MOB3B: variants seen among roughly 807,000 people sequenced by gnomAD.
MOB3B encodes the protein MOB kinase activator-like 2B.
MOB3B carries 7 observed loss-of-function variants against 18.7 expected under a neutral mutation model. The ratio of observed to expected loss-of-function variants is 0.37; its 90% CI spans 0.21 to 0.70. MOB3B has a LOEUF of 0.70. MOB3B is among the 30% of genes least tolerant of loss of function. The pLI is 0.52. For missense variants in MOB3B, 253 were observed against 281.3 expected, an observed-to-expected ratio of 0.90 and a Z score of 0.72; for synonymous variants, 111 against 99.9, an observed-to-expected ratio of 1.11 and a Z score of -0.66.
In MOB3B at chr9:27,354,671, A is replaced by T. The variant is rs1821158949; in HGVS notation, c.621+4363T>A. 2.0e-5 allele frequency among the ~76,000 whole-genome samples: 3 copies of T among 152,320 alleles called. No homozygotes were observed. The South Asian group carries it at 6.2e-4, about 32-fold the overall frequency. On this transcript the variant is annotated intron_variant, in intron 3 of 3. Transcript: ENST00000262244. ...CATCATCCTTAAAGTACTCTCCCCA[A>T]TTCAAAAACATATTAAGCATTTATT... is the stretch of plus-strand genomic sequence containing the variant.
At chr9:27,433,718 G>A (rs1822450895) in intron 2 of MOB3B, among the ~76,000 whole-genome samples, 1 of 152,080 alleles carries the variant, frequency 6.6e-6, no homozygotes, top group African/African-American at 2.4e-5. Flanking sequence ...TGAGAATGAA[G>A]CCTTTCCATG....
intron 1 of MOB3B, among the ~76,000 whole-genome samples, chr9:27,477,876 C>T (rs1444533): frequency 0.66 from 100,548 of 152,054 alleles, 36,651 homozygotes; most frequent in Non-Finnish European, 0.83. Flanking sequence ...GTGACATGGC[C>T]CAAGGCTCAT....
intron 2 of MOB3B, among the ~76,000 whole-genome samples, chr9:27,401,155 G>A (rs1821871975): frequency 6.6e-6 from 1 of 152,148 alleles, no homozygotes; most frequent in Non-Finnish European, 1.5e-5. Flanking sequence ...TCCAGCATGG[G>A]CCACGCGGTC....
At position 27,326,248 on chromosome 9, in the gene MOB3B, G is replaced by T; in HGVS notation, c.*4339C>A. On this transcript the variant is annotated 3_prime_UTR_variant, in exon 4 of 4. Coordinates refer to ENST00000262244, the MANE Select transcript of MOB3B (RefSeq NM_024761.5). ...GAGCTTTGGGAAGGTTTCACGTTGA[G>T]TTACATCAGTGGTCAACAATGGAGC... 2.6e-6 allele frequency: 1 copy of T among 385,864 alleles called. No homozygotes were observed. The highest frequency in any genetic ancestry group is 4.6e-6 in the Non-Finnish European group (1 of 218,526). The allele number at this position is 385,864 out of a possible 1,614,324, so 23.9% of individuals were successfully genotyped here. A position where few individuals can be genotyped will look rare whatever the true frequency, so the allele number is the denominator to read the frequency against.
At chr9:27,340,280 G>A (rs995232557) in intron 3 of MOB3B, among the ~76,000 whole-genome samples, 1 of 152,092 alleles carries the variant, frequency 6.6e-6, no homozygotes, top group Non-Finnish European at 1.5e-5. Context: ...ACACACACTC[G>A]CCACCCACGG....
chr9:27,388,390 C>A (rs1209742771), intron 2 of MOB3B, among the ~76,000 whole-genome samples: 1 of 152,172 alleles, frequency 6.6e-6, no homozygotes, highest in African/African-American at 2.4e-5. Context: ...TAGCACTGAC[C>A]AGGGGGTTAT....
intron 2 of MOB3B, among the ~76,000 whole-genome samples, chr9:27,392,397 A>G (rs1400809585): frequency 6.6e-6 from 1 of 152,218 alleles, no homozygotes; most frequent in Admixed American, 6.5e-5. Context: ...AAAATGGTAT[A>G]CCGTAGTAGG....
At chr9:27,495,624 G>A (rs547025583) in intron 1 of MOB3B, among the ~76,000 whole-genome samples, 2 of 152,304 alleles carry the variant, frequency 1.3e-5, no homozygotes, top group Middle Eastern at 3.4e-3. Flanking sequence ...AGAAAGTAAT[G>A]AATCCATGAA....
In MOB3B at chr9:27,326,753, C is replaced by G. The variant is rs1271552800; in HGVS notation, c.*3834G>C. On this transcript the variant is annotated 3_prime_UTR_variant, in exon 4 of 4. Coordinates refer to ENST00000262244, the MANE Select transcript of MOB3B (RefSeq NM_024761.5). ...ACAATTTAAGAAGCAGGAAATGACT[C>G]TAGATCAGTATTTCTCAATTACAGC... 78 of 396,208 alleles carry G rather than the reference C, an allele frequency of 2.0e-4. 1 individual carries two copies. The East Asian group carries it at 2.8e-3, about 14-fold the overall frequency. The allele number at this position is 396,208 out of a possible 1,614,324, so 24.5% of individuals were successfully genotyped here. A position where few individuals can be genotyped will look rare whatever the true frequency, so the allele number is the denominator to read the frequency against.
intron 2 of MOB3B, among the ~76,000 whole-genome samples, chr9:27,425,134 G>T (rs1822307508): frequency 6.6e-6 from 1 of 152,124 alleles, no homozygotes; most frequent in Non-Finnish European, 1.5e-5. Flanking sequence ...CCAGCACTTT[G>T]GGAGGCCGAG....
At chr9:27,374,726 T>C (rs1245684483) in intron 2 of MOB3B, among the ~76,000 whole-genome samples, 1 of 152,180 alleles carries the variant, frequency 6.6e-6, no homozygotes, top group Non-Finnish European at 1.5e-5. Flanking sequence ...CTGGAAACTA[T>C]AACACAAAGA....
At chr9:27,430,394 T>C (rs1017617656) in intron 2 of MOB3B, among the ~76,000 whole-genome samples, 5 of 152,154 alleles carry the variant, frequency 3.3e-5, no homozygotes, top group Non-Finnish European at 5.9e-5. Flanking sequence ...ATTGTGCTCC[T>C]CAAAGCTTTA....
At chr9:27,338,440 G>C (rs1820893356) in intron 3 of MOB3B, among the ~76,000 whole-genome samples, 1 of 152,204 alleles carries the variant, frequency 6.6e-6, no homozygotes, top group Non-Finnish European at 1.5e-5. Flanking sequence ...TGCCCTGGCA[G>C]CTGGCTCTCC....
chr9:27,426,003 G>A (rs1268011820), intron 2 of MOB3B, among the ~76,000 whole-genome samples: 1 of 152,120 alleles, frequency 6.6e-6, no homozygotes, highest in Non-Finnish European at 1.5e-5. Context: ...AGGGTGCTCT[G>A]TTTCTTTATG....
At chr9:27,519,702 C>T (rs1820294546) in intron 1 of MOB3B, among the ~76,000 whole-genome samples, 1 of 152,022 alleles carries the variant, frequency 6.6e-6, no homozygotes, top group Admixed American at 6.6e-5. Flanking sequence ...TTTCGCTTGC[C>T]CTGAAGTGTT....
intron 1 of MOB3B, among the ~76,000 whole-genome samples, chr9:27,471,176 G>A (rs761036434): frequency 5.9e-5 from 9 of 152,090 alleles, no homozygotes; most frequent in East Asian, 1.9e-4. Flanking sequence ...TGCTCTCCAG[G>A]ATTTAAGAGC....
intron 2 of MOB3B, among the ~76,000 whole-genome samples, chr9:27,440,555 G>GGTGA (rs1822578276): frequency 6.6e-6 from 1 of 152,066 alleles, no homozygotes; most frequent in Non-Finnish European, 1.5e-5. Context: ...AAATTTGCAA[G>GGTGA]GTGAATAACT....
chr9:27,407,469 T>C (rs1821999711), intron 2 of MOB3B, among the ~76,000 whole-genome samples: 3 of 152,160 alleles, frequency 2.0e-5, no homozygotes, highest in African/African-American at 7.2e-5. Flanking sequence ...CACTGCTTGA[T>C]GGAATTCCAG....
chr9:27,391,559 T>A (rs1490134849), intron 2 of MOB3B, among the ~76,000 whole-genome samples: 6 of 152,256 alleles, frequency 3.9e-5, no homozygotes, highest in African/African-American at 1.4e-4. Context: ...ATTAAACTAT[T>A]TTAATGAAAG....
Sources: gnomAD v4.1 joint callset for allele counts (sites outside exome capture counted in the v4.1 genomes callset) on GRCh38, gnomAD v4.1.1 for gene constraint, MANE v1.5 for transcripts, NCBI Gene and HGNC (gene_info 2026-07-23, HGNC 2026-07-21) for gene names.